CIB1: variants seen among roughly 807,000 people sequenced by gnomAD.
The protein encoded by CIB1 is calcium and integrin binding 1, also known as calcium and integrin-binding protein 1.
Under a neutral mutation model 25.0 loss-of-function variants are expected in CIB1, and 19 were observed. The ratio of observed to expected loss-of-function variants is 0.76; its 90% confidence interval spans 0.53 to 1.12. The LOEUF is 1.12. CIB1 is among the 50% of genes most tolerant of loss of function. The probability of loss-of-function intolerance (pLI) is 0.00; values close to 1 mark genes in which losing one functional copy is unlikely to be tolerated. For missense variants in CIB1, 236 were observed against 242.6 expected (o/e 0.97, Z 0.18); for synonymous variants, 104 against 98.5 (o/e 1.06, Z -0.33).
At chr15:90,241,915 C>G in the CIB1 span, 1 of 1,614,010 alleles carries the variant, frequency 6.2e-7, no homozygotes, top group Non-Finnish European at 8.5e-7. Context: ...TGTGAGCTGG[C>G]TGGGCACCTC....
chr15:90,241,768 A>C, the CIB1 span: 3 of 1,614,124 alleles, frequency 1.9e-6, no homozygotes, highest in Non-Finnish European at 2.5e-6. Flanking sequence ...GAGATTGCTC[A>C]TAACTTGTTT....
the CIB1 span, chr15:90,241,588 G>C: frequency 1.2e-6 from 2 of 1,613,576 alleles, no homozygotes; most frequent in Non-Finnish European, 1.7e-6. Context: ...CTGGCCCACA[G>C]ACTGCCCGTG....
At chr15:90,257,800 C>G in the CIB1 span, 2 of 1,419,358 alleles carry the variant, frequency 1.4e-6, no homozygotes, top group Non-Finnish European at 2.0e-6. Context: ...ACCAAGCTGG[C>G]TCTTGGGAGG....
chr15:90,235,680 A>G (rs1177235587), upstream of CIB1, among the ~76,000 whole-genome samples: 3 of 149,904 alleles, frequency 2.0e-5, no homozygotes, highest in South Asian at 2.1e-4. Context: ...CCATTCTTCT[A>G]CCTTAGCCTC....
At chr15:90,243,900 A>G in the CIB1 span, 1 of 151,034 alleles carries the variant, frequency 6.6e-6, no homozygotes, top group African/African-American at 2.4e-5. Context: ...TCAGCCTCCC[A>G]AAGTGCTGAG....
At chr15:90,262,698 T>C in the CIB1 span, 2 of 1,451,994 alleles carry the variant, frequency 1.4e-6, no homozygotes, top group Non-Finnish European at 1.8e-6. Flanking sequence ...CTCTTATCTT[T>C]CCACAGGAAA....
chr15:90,257,277 AC>A, the CIB1 span: 14 of 1,611,438 alleles, frequency 8.7e-6, no homozygotes, highest in East Asian at 2.9e-4. Context: ...AGCCATAACA[AC>A]CTGGTAAGGG....
the CIB1 span, among the ~76,000 whole-genome samples, chr15:90,253,928 C>A: frequency 6.6e-6 from 1 of 152,184 alleles, no homozygotes; most frequent in African/African-American, 2.4e-5. Context: ...GGAAGCCAGG[C>A]AGGAAGTTGA....
chr15:90,248,679 A>G, the CIB1 span, among the ~76,000 whole-genome samples: 1 of 128,516 alleles, frequency 7.8e-6, no homozygotes. Context: ...CGATCACACC[A>G]CTGCAATCCA....
At chr15:90,241,011 G>A in the CIB1 span, 6 of 1,614,012 alleles carry the variant, frequency 3.7e-6, no homozygotes, top group Non-Finnish European at 5.1e-6. Flanking sequence ...TGGGCAGAAG[G>A]ATCTCATGGC....
At chr15:90,242,172 C>T in the CIB1 span, 1 of 938,274 alleles carries the variant, frequency 1.1e-6, no homozygotes, top group Non-Finnish European at 1.6e-6. Flanking sequence ...ACTGTAGCCT[C>T]CACCTCTGGG....
chr15:90,258,250 T>G, the CIB1 span: 1 of 1,614,230 alleles, frequency 6.2e-7, no homozygotes, highest in Non-Finnish European at 8.5e-7. Flanking sequence ...GACCACAAGT[T>G]GAAGCCCTGG....
chr15:90,246,900 T>C, the CIB1 span, among the ~76,000 whole-genome samples: 1 of 148,974 alleles, frequency 6.7e-6, no homozygotes, highest in African/African-American at 2.5e-5. Flanking sequence ...GAACACTAAA[T>C]TGTTTGTTGA....
At chr15:90,237,195 G>A (rs1428230670), upstream of CIB1, among the ~76,000 whole-genome samples, 2 of 151,774 alleles carry the variant, frequency 1.3e-5, no homozygotes, top group Admixed American at 6.6e-5. Flanking sequence ...TCCTGACCTC[G>A]TGATCCACCC....
At chr15:90,255,375 T>C in the CIB1 span, among the ~76,000 whole-genome samples, 36 of 152,290 alleles carry the variant, frequency 2.4e-4, no homozygotes, top group African/African-American at 8.7e-4. Context: ...CTTTTGTGTC[T>C]TTTGGGGAAT....
chr15:90,231,257 G>A (rs1596170669), intron 4 of CIB1, 44 bp from the exon 5 acceptor site: 1 of 1,608,858 alleles, frequency 6.2e-7, no homozygotes, highest in Non-Finnish European at 8.5e-7. Flanking sequence ...GTTGGGAGGG[G>A]CTCTGAGGTT....
At chr15:90,241,081 C>A in the CIB1 span, 2 of 1,614,182 alleles carry the variant, frequency 1.2e-6, no homozygotes, top group Non-Finnish European at 1.7e-6. Flanking sequence ...CCACAATCTC[C>A]CTTTGATGCT....
chr15:90,241,808 A>T, the CIB1 span: 2 of 1,614,114 alleles, frequency 1.2e-6, no homozygotes, highest in South Asian at 1.1e-5. Flanking sequence ...CGGGAAAGAC[A>T]TCACCTTCCT....
the CIB1 span, among the ~76,000 whole-genome samples, chr15:90,239,614 C>A: frequency 6.6e-6 from 1 of 152,332 alleles, no homozygotes; most frequent in South Asian, 2.1e-4. Flanking sequence ...CCCCATGATT[C>A]ATTTACTTTC....
Sources: gnomAD v4.1 joint callset for allele counts (sites outside exome capture counted in the v4.1 genomes callset) on GRCh38, gnomAD v4.1.1 for gene constraint, MANE v1.5 for transcripts, NCBI Gene and HGNC (gene_info 2026-07-23, HGNC 2026-07-21) for gene names.